TRHDE: variants seen among roughly 807,000 people sequenced by gnomAD.
TRHDE encodes thyrotropin-releasing hormone-degrading ectoenzyme.
TRHDE carries 72 observed loss-of-function variants against 125.7 expected under a neutral mutation model. The observed-to-expected ratio is 0.57, with a 90% confidence interval of 0.47 to 0.70. The LOEUF (loss-of-function observed/expected upper bound fraction) is 0.70. TRHDE is among the 30% of genes least tolerant of loss of function. The pLI is 0.00. For missense variants in TRHDE, 1,110 were observed against 1,327.1 expected (o/e 0.84, Z 2.54); for synonymous variants, 509 against 509.1 (o/e 1.00, Z 0.00).
chr12:72,611,163 G>T (rs570043396), intron 12 of TRHDE: 29 of 188,206 alleles, frequency 1.5e-4, no homozygotes, highest in African/African-American at 6.3e-4. Flanking sequence ...GGGCAGCAAA[G>T]TTCAGTGACA....
At position 72,286,968 on chromosome 12, in the gene TRHDE, G is replaced by A. The variant is rs1217526637; in HGVS notation, c.1188+14G>A. 6.2e-7 allele frequency: 1 copy of A among 1,609,692 alleles called. No homozygotes were observed. Among genetic ancestry groups the A allele is most frequent in the Admixed American group, 1.7e-5 (1 of 59,326 alleles). On this transcript the variant is annotated intron_variant, in intron 2 of 18. Transcript: ENST00000261180. ...AGTGGGGTTGTAGTAAGTATTTTCA[G>A]CTTAATGATGTTTTTGGATAATGTA...
At chr12:72,105,004 A>G (rs549587168) in intron 1 of TRHDE, among the ~76,000 whole-genome samples, 37 of 152,182 alleles carry the variant, frequency 2.4e-4, no homozygotes, top group Non-Finnish European at 4.9e-4. Flanking sequence ...ATGCAGCTCA[A>G]TGACAGAGAG....
chr12:72,231,400 C>G (rs1878242968), intron 2 of TRHDE, among the ~76,000 whole-genome samples: 1 of 152,034 alleles, frequency 6.6e-6, no homozygotes, highest in South Asian at 2.1e-4. Flanking sequence ...TAAGGAAGTC[C>G]CCCACCCCCT....
At chr12:72,456,340 G>A (rs1056977301) in intron 3 of TRHDE, among the ~76,000 whole-genome samples, 3 of 152,012 alleles carry the variant, frequency 2.0e-5, no homozygotes, top group Non-Finnish European at 2.9e-5. Flanking sequence ...TGCAAAACAT[G>A]AGCAGACACT....
At chr12:72,289,925 C>G (rs1034171433) in intron 2 of TRHDE, among the ~76,000 whole-genome samples, 2 of 152,138 alleles carry the variant, frequency 1.3e-5, no homozygotes, top group African/African-American at 4.8e-5. Context: ...TATTTATTTC[C>G]TGTTTTGATC....
intron 3 of TRHDE, among the ~76,000 whole-genome samples, chr12:72,398,258 A>G (rs1485462842): frequency 6.6e-6 from 1 of 151,920 alleles, no homozygotes; most frequent in Non-Finnish European, 1.5e-5. Context: ...ATTGGTTCCA[A>G]GTCTTTGCTA....
chr12:72,593,852 T>C (rs978742093), intron 12 of TRHDE, among the ~76,000 whole-genome samples: 5 of 152,226 alleles, frequency 3.3e-5, no homozygotes, highest in Admixed American at 3.3e-4. Context: ...AACTCATCCT[T>C]TTTTATGGCT....
intron 3 of TRHDE, among the ~76,000 whole-genome samples, chr12:72,468,671 G>T (rs1876500559): frequency 6.6e-6 from 1 of 152,318 alleles, no homozygotes; most frequent in East Asian, 1.9e-4. Flanking sequence ...TCATGAGCAT[G>T]TGTGCCCTAC....
intron 12 of TRHDE, among the ~76,000 whole-genome samples, chr12:72,577,800 A>C (rs1172677803): frequency 3.3e-5 from 5 of 152,126 alleles, no homozygotes; most frequent in Non-Finnish European, 7.4e-5. Context: ...GCATGCTTTC[A>C]ATTACAATTT....
intron 3 of TRHDE, among the ~76,000 whole-genome samples, chr12:72,413,164 C>T (rs1008507904): frequency 1.3e-5 from 2 of 152,032 alleles, no homozygotes; most frequent in Non-Finnish European, 2.9e-5. Context: ...AACAAATCCA[C>T]ATAAGTGTCA....
chr12:72,481,288 C>A (rs1290975769), intron 5 of TRHDE, among the ~76,000 whole-genome samples: 12 of 145,982 alleles, frequency 8.2e-5, no homozygotes, highest in Non-Finnish European at 1.5e-4. Context: ...GACAAGGATG[C>A]CAGAAATGAA....
chr12:72,465,894 A>G lies in TRHDE; in HGVS notation c.1316-3864A>G, dbSNP rs574657336. Among the ~76,000 whole-genome samples the G allele has an allele frequency of 2.6e-5, 4 of 152,364 alleles. No individual in the cohort carries two copies. In the East Asian group the frequency reaches 7.7e-4, roughly 29 times the overall value. ...ATTTTTTCCCTACTCTGCCGTTTAT[A>G]ATCATGGTTCCTCATATTTATTATA... is the stretch of plus-strand genomic sequence containing the variant. On this transcript the variant is annotated intron_variant, in intron 3 of 18. Coordinates refer to ENST00000261180, the MANE Select transcript of TRHDE (RefSeq NM_013381.3).
intron 3 of TRHDE, among the ~76,000 whole-genome samples, chr12:72,408,153 T>C (rs1873343148): frequency 6.6e-6 from 1 of 152,170 alleles, no homozygotes; most frequent in South Asian, 2.1e-4. Context: ...TGCATGATAC[T>C]AGAGTAACCA....
chr12:72,216,587 A>C (rs1479818309), intron 2 of TRHDE, among the ~76,000 whole-genome samples: 1 of 152,194 alleles, frequency 6.6e-6, no homozygotes, highest in Non-Finnish European at 1.5e-5. Context: ...CTCCTGTAAA[A>C]TATGCACCTT....
At chr12:72,648,178 C>G (rs959990446) in intron 15 of TRHDE, among the ~76,000 whole-genome samples, 1 of 151,932 alleles carries the variant, frequency 6.6e-6, no homozygotes, top group Non-Finnish European at 1.5e-5. Flanking sequence ...ATACAAAGCA[C>G]TGACAAAATT....
chr12:72,273,077 A>G lies in TRHDE; in HGVS notation c.434A>G (p.His145Arg), dbSNP rs1460627155. 6.6e-7 allele frequency: 1 copy of G among 1,525,906 alleles called. No homozygotes were observed. Among genetic ancestry groups the G allele is most frequent in the Admixed American group, 2.0e-5 (1 of 51,106 alleles). 94.5% of individuals were successfully genotyped at this position (1,525,906 alleles called of 1,614,324 possible). The change falls in exon 1 of 19, where the codon CAC becomes CGC. Residue 145 changes from histidine (H) to arginine (R), a missense_variant. By Grantham distance (29) the His-to-Arg change is conservative. Around this residue, in one of 5 missense-constraint regions of TRHDE, gnomAD observed 248 missense variants for 240.8 expected, o/e 1.03. Coordinates refer to ENST00000261180, the MANE Select transcript of TRHDE (RefSeq NM_013381.3). This position sits in a 1 kb window ranked among gnomAD's most constrained non-coding sequence, Gnocchi z 5.3. ...GSLPGSARRNHHAGGDSWQPE... is the reference protein window; with the variant it reads ...GSLPGSARRNRHAGGDSWQPE... ...CTCCCTGGATCGGCCCGGCGCAACCACCACGCAGGCGGGGACTCCTGGCAG... is the reference window on the plus strand; with the variant it reads ...CTCCCTGGATCGGCCCGGCGCAACCGCCACGCAGGCGGGGACTCCTGGCAG...
chr12:72,107,476 C>A (rs1339457895), intron 2 of TRHDE, among the ~76,000 whole-genome samples: 1 of 152,068 alleles, frequency 6.6e-6, no homozygotes, highest in Non-Finnish European at 1.5e-5. Context: ...GGGGTTTAGC[C>A]GTAACCTGTG....
intron 2 of TRHDE, among the ~76,000 whole-genome samples, chr12:72,217,081 A>G (rs1340650044): frequency 6.6e-6 from 1 of 151,956 alleles, no homozygotes; most frequent in Non-Finnish European, 1.5e-5. Flanking sequence ...TTCAGTGTAC[A>G]TTGCTGTCCT....
At chr12:72,612,472 T>C (rs1304784680) in intron 12 of TRHDE, among the ~76,000 whole-genome samples, 2 of 152,166 alleles carry the variant, frequency 1.3e-5, no homozygotes, top group African/African-American at 4.8e-5. Context: ...GGTTGCCTCA[T>C]GGGGTAGAAC....
Sources: gnomAD v4.1 joint callset for allele counts (sites outside exome capture counted in the v4.1 genomes callset) on GRCh38, gnomAD v4.1.1 for gene constraint, gnomAD v4.1.1 regional missense constraint, Gnocchi (gnomAD v3.1) non-coding constraint, MANE v1.5 for transcripts, NCBI Gene and HGNC (gene_info 2026-07-23, HGNC 2026-07-21) for gene names.